PEX5L: variants seen among roughly 807,000 people sequenced by gnomAD.
PEX5L encodes PEX5-related protein.
In PEX5L, 30 loss-of-function variants were observed where a neutral mutation model predicts 84.0. The ratio of observed to expected loss-of-function variants is 0.36; its 90% CI spans 0.27 to 0.48. The LOEUF is 0.48. PEX5L is among the 20% of genes least tolerant of loss of function. The pLI, the probability that PEX5L is intolerant of heterozygous loss-of-function variation, is 0.99. For missense variants in PEX5L, 533 were observed against 754.6 expected, an observed-to-expected ratio of 0.71 and a Z score of 3.44; for synonymous variants, 270 against 283.1, an observed-to-expected ratio of 0.95 and a Z score of 0.46.
intron 2 of PEX5L, among the ~76,000 whole-genome samples, chr3:179,963,974 T>C (rs891795390): frequency 6.6e-6 from 1 of 152,144 alleles, no homozygotes. Flanking sequence ...ACTCTTAATT[T>C]AGGTTCAGGG....
intron 9 of PEX5L, among the ~76,000 whole-genome samples, chr3:179,817,302 T>C (rs1043997549): frequency 6.6e-6 from 1 of 152,244 alleles, no homozygotes; most frequent in South Asian, 2.1e-4. Context: ...ACATATTACA[T>C]AGGCAGTCTT....
intron 8 of PEX5L, among the ~76,000 whole-genome samples, chr3:179,830,792 C>T (rs1044309908): frequency 1.3e-5 from 2 of 152,132 alleles, no homozygotes; most frequent in Non-Finnish European, 2.9e-5. Context: ...CCAAAAATGC[C>T]AGGCCAGAGA....
intron 1 of PEX5L, chr3:179,973,131 C>G: frequency 2.4e-6 from 3 of 1,226,252 alleles, no homozygotes; most frequent in Non-Finnish European, 3.2e-6. Flanking sequence ...TTAGAAGTGC[C>G]TTTCCAAATA....
intron 2 of PEX5L, among the ~76,000 whole-genome samples, chr3:179,949,293 T>C (rs1349595020): frequency 1.3e-5 from 2 of 152,226 alleles, no homozygotes; most frequent in Non-Finnish European, 2.9e-5. Flanking sequence ...TATTTTAGAA[T>C]GTTTCCTTAG....
At chr3:179,870,303 C>T (rs1328553233) in intron 7 of PEX5L, among the ~76,000 whole-genome samples, 1 of 152,162 alleles carries the variant, frequency 6.6e-6, no homozygotes, top group Admixed American at 6.5e-5. Context: ...AGTTTGAAGA[C>T]CCCCACAGAT....
At chr3:179,924,357 C>A (rs1770756010) in intron 2 of PEX5L, among the ~76,000 whole-genome samples, 1 of 152,200 alleles carries the variant, frequency 6.6e-6, no homozygotes, top group Non-Finnish European at 1.5e-5. Flanking sequence ...AAAGCAGAGT[C>A]ATCTTCATAG....
intron 1 of PEX5L, among the ~76,000 whole-genome samples, chr3:179,986,034 G>A (rs183393104): frequency 7.9e-5 from 12 of 152,114 alleles, no homozygotes; most frequent in Non-Finnish European, 1.3e-4. Flanking sequence ...GTTAGTGGAG[G>A]AATATTAACG....
rs764195910 is a variant in PEX5L, at chr3:180,036,646, C to T, written c.-47G>A. ...CTCCCTGAGGCCACCGGATGCTTTT[C>T]CCCCGTGCTTACTTGCCCACCAAAA... On this transcript the variant is annotated 5_prime_UTR_variant, in exon 1 of 15. Transcript: ENST00000467460. The T allele has an allele frequency of 6.2e-7, 1 of 1,611,080 alleles. No homozygotes were observed. The highest frequency in any genetic ancestry group is 1.1e-5 in the South Asian group (1 of 91,002).
At chr3:179,918,106 G>A (rs1240708352) in intron 2 of PEX5L, among the ~76,000 whole-genome samples, 1 of 152,194 alleles carries the variant, frequency 6.6e-6, no homozygotes, top group Non-Finnish European at 1.5e-5. Flanking sequence ...TGGGGACAAA[G>A]TCCAGGGTCT....
At chr3:179,831,227 T>C (rs1014033345) in intron 8 of PEX5L, among the ~76,000 whole-genome samples, 4 of 151,548 alleles carry the variant, frequency 2.6e-5, no homozygotes. Context: ...AGGCAGAGAA[T>C]TGCTTGAACC....
intron 2 of PEX5L, among the ~76,000 whole-genome samples, chr3:179,922,457 T>A (rs1016313797): frequency 6.6e-6 from 1 of 150,744 alleles, no homozygotes; most frequent in Non-Finnish European, 1.5e-5. Context: ...TTTTCTTTTT[T>A]TTTTTTTTTT....
chr3:179,996,864 T>C (rs909844808), intron 1 of PEX5L, among the ~76,000 whole-genome samples: 5 of 152,186 alleles, frequency 3.3e-5, no homozygotes, highest in Non-Finnish European at 5.9e-5. Context: ...GTCTGACTCA[T>C]GTAGAGCTCT....
intron 1 of PEX5L, among the ~76,000 whole-genome samples, chr3:179,994,819 A>G (rs1787708473): frequency 6.6e-6 from 1 of 152,048 alleles, no homozygotes. Context: ...TGAAAAGACT[A>G]TACTGGCTTA....
rs975269712 is a variant in PEX5L at position 179,841,123 on chromosome 3, C to T, written c.822+17939G>A. Reference sequence around the variant, plus strand: ...GGAGAAAAACGAGTATCTACCACAACCCATTGCTTGGCACAGAGCCCACAT... The same window carrying T: ...GGAGAAAAACGAGTATCTACCACAATCCATTGCTTGGCACAGAGCCCACAT... On this transcript the variant is annotated intron_variant, in intron 8 of 14. Transcript: ENST00000467460. 2.0e-5 allele frequency among the ~76,000 whole-genome samples: 3 copies of T among 152,116 alleles called. No homozygotes were observed. In the East Asian group the frequency reaches 5.8e-4, roughly 29 times the overall value.
Position 180,010,430 on chromosome 3 carries a change from GC to G in PEX5L, c.21+26148del, listed in dbSNP as rs1346822298. 8.6e-5 allele frequency among the ~76,000 whole-genome samples: 13 copies of G among 151,784 alleles called. 1 individual carries two copies. Among genetic ancestry groups the G allele is most frequent in the Middle Eastern group, 3.4e-3 (1 of 294 alleles). The stretch of plus-strand genomic sequence containing the variant: ...TAGTGGGTAGACAACAGGCATGAAG[GC>G]ACTCTACAATCCAAAGGACAGTCCC... On this transcript the variant is annotated intron_variant, in intron 1 of 14. Coordinates refer to ENST00000467460, the MANE Select transcript of PEX5L (RefSeq NM_016559.3).
chr3:179,983,363 G>A (rs1786512691), intron 1 of PEX5L, among the ~76,000 whole-genome samples: 1 of 151,796 alleles, frequency 6.6e-6, no homozygotes, highest in Non-Finnish European at 1.5e-5. Flanking sequence ...TCAGAATAAA[G>A]AATCTACTTA....
At chr3:179,993,092 A>G (rs975642771) in intron 1 of PEX5L, among the ~76,000 whole-genome samples, 1 of 152,186 alleles carries the variant, frequency 6.6e-6, no homozygotes, top group Non-Finnish European at 1.5e-5. Context: ...GATAAGAAAA[A>G]GAAGGAAAGA....
intron 2 of PEX5L, among the ~76,000 whole-genome samples, chr3:179,901,693 C>T (rs1401756476): frequency 6.6e-6 from 1 of 152,164 alleles, no homozygotes; most frequent in East Asian, 1.9e-4. Context: ...TCAATGCTTT[C>T]CTGTGGAAAA....
At chr3:179,999,781 T>C (rs1269283017) in intron 1 of PEX5L, among the ~76,000 whole-genome samples, 2 of 152,132 alleles carry the variant, frequency 1.3e-5, no homozygotes, top group East Asian at 3.9e-4. Context: ...GCTAAAGAAG[T>C]GTGGCAGTGG....
Sources: gnomAD v4.1 joint callset for allele counts (sites outside exome capture counted in the v4.1 genomes callset) on GRCh38, gnomAD v4.1.1 for gene constraint, MANE v1.5 for transcripts, NCBI Gene and HGNC (gene_info 2026-07-23, HGNC 2026-07-21) for gene names.